Variants in SLC25A11 observed in about 807,000 individuals in gnomAD.
The protein encoded by SLC25A11 is solute carrier family 25 member 11, also known as mitochondrial 2-oxoglutarate/malate carrier protein.
Under a neutral mutation model 32.7 loss-of-function variants are expected in SLC25A11, and 11 were observed. That is an observed-to-expected ratio of 0.34 (90% CI 0.21 to 0.56). The LOEUF is 0.56. SLC25A11 is among the 20% of genes least tolerant of loss of function. The probability of loss-of-function intolerance (pLI) is 0.90; values close to 1 mark genes in which losing one functional copy is unlikely to be tolerated. For synonymous variants in SLC25A11, 163 were observed against 168.3 expected (o/e 0.97, Z 0.24); for missense variants, 295 against 426.3 (o/e 0.69, Z 2.71).
In SLC25A11 at chr17:4,940,044, G is replaced by C; in HGVS notation, c.-134C>G. The C allele has an allele frequency of 1.8e-6, 1 of 549,314 alleles. No individual in the cohort carries two copies. The highest frequency in any genetic ancestry group is 3.0e-6 in the Non-Finnish European group (1 of 335,924). 34.0% of individuals were successfully genotyped at this position (549,314 alleles called of 1,614,324 possible). On this transcript the variant is annotated 5_prime_UTR_variant, in exon 1 of 8. Transcript: ENST00000225665. ...CTCTCAGGTCCGACACCCGCTGGAA[G>C]CCGGCGCGGGCGCAGGCGCGCAGCG...
chr17:4,940,034 C>T lies in SLC25A11; in HGVS notation c.-124G>A, dbSNP rs553531588. 1,663 of 603,950 alleles carry T rather than the reference C, an allele frequency of 2.8e-3. 4 individuals are homozygous for T. Among genetic ancestry groups the T allele is most frequent in the Non-Finnish European group, 3.7e-3 (1,433 of 383,194 alleles). 37.4% of individuals were successfully genotyped at this position (603,950 alleles called of 1,614,324 possible). ...GCCCCTCCAGCTCTCAGGTCCGACACCCGCTGGAAGCCGGCGCGGGCGCAG... is the reference window on the plus strand; with the variant it reads ...GCCCCTCCAGCTCTCAGGTCCGACATCCGCTGGAAGCCGGCGCGGGCGCAG... On this transcript the variant is annotated 5_prime_UTR_variant, in exon 1 of 8. In the 5' UTR this introduces an upstream ATG that the reference lacks. Coordinates refer to ENST00000225665, the MANE Select transcript of SLC25A11 (RefSeq NM_003562.5).
rs1325408918 is a variant in SLC25A11, at chr17:4,938,136, C to T, written c.737+18G>A. On this transcript the variant is annotated intron_variant, in intron 6 of 7. Transcript: ENST00000225665. The surrounding 1 kb of genome is among the most constrained non-coding windows in gnomAD (Gnocchi z 7.6). ...GGGCACCCTCCCACCCACCTCCAGGCCCAGGCTGCACACTCACCGGGTCTT... is the reference window on the plus strand; with the variant it reads ...GGGCACCCTCCCACCCACCTCCAGGTCCAGGCTGCACACTCACCGGGTCTT... 1 of 1,614,106 alleles carries T rather than the reference C, an allele frequency of 6.2e-7. No individual in the cohort carries two copies. The highest frequency in any genetic ancestry group is 8.5e-7 in the Non-Finnish European group (1 of 1,179,946).
rs1970612516 is a variant in SLC25A11 at position 4,939,953 on chromosome 17, G to A, written c.-43C>T. The stretch of plus-strand genomic sequence containing the variant: ...CGGCTCCGGGTCCCGTGCGCGCGCG[G>A]CCCCGCTCGCGCCCAAGGTGACACC... On this transcript the variant is annotated 5_prime_UTR_variant, in exon 1 of 8. Transcript: ENST00000225665. This position sits in a 1 kb window ranked among gnomAD's most constrained non-coding sequence, Gnocchi z 4.1. 6.0e-6 allele frequency: 9 copies of A among 1,505,744 alleles called. No homozygotes were observed. In the East Asian group the frequency reaches 1.7e-4, roughly 29 times the overall value. 93.3% of individuals were successfully genotyped at this position (1,505,744 alleles called of 1,614,324 possible).
In SLC25A11 at chr17:4,938,613, G is replaced by A. The variant is rs552414858; in HGVS notation, c.456-11C>T. 1.9e-5 allele frequency: 31 copies of A among 1,613,214 alleles called. No homozygotes were observed. The African/African-American group carries it at 3.1e-4, about 16-fold the overall frequency. On this transcript the variant is annotated splice_polypyrimidine_tract_variant and intron_variant, in intron 3 of 7. Coordinates refer to ENST00000225665, the MANE Select transcript of SLC25A11 (RefSeq NM_003562.5). The surrounding 1 kb of genome is among the most constrained non-coding windows in gnomAD (Gnocchi z 7.6). The stretch of plus-strand genomic sequence containing the variant: ...TGGTCAGCTGGAAGCCTGGTGGGAA[G>A]GCAGAAAGAGGTCAAGATCAGGATT...
chr17:4,937,994 C>CT, intron 7 of SLC25A11, 29 bp downstream of exon 7: 1 of 1,613,696 alleles, frequency 6.2e-7, no homozygotes, highest in Non-Finnish European at 8.5e-7. Context: ...CCGACACCCC[C>CT]TCCCAGGCCC....
chr17:4,939,438 T>G lies in SLC25A11; in HGVS notation c.96-226A>C. 1 of 596,792 alleles carries G rather than the reference T, an allele frequency of 1.7e-6. No individual in the cohort carries two copies. Among genetic ancestry groups the G allele is most frequent in the Non-Finnish European group, 3.0e-6 (1 of 338,638 alleles). The allele number at this position is 596,792 out of a possible 1,614,324, so 37.0% of individuals were successfully genotyped here. ...TGCAATGAAAGTGCTCCAAGCAGCT[T>G]CATGACAGTCAAGCAGTGACCTGGG... On this transcript the variant is annotated intron_variant, in intron 1 of 7. Coordinates refer to ENST00000225665, the MANE Select transcript of SLC25A11 (RefSeq NM_003562.5). This position sits in a 1 kb window ranked among gnomAD's most constrained non-coding sequence, Gnocchi z 4.1.
Position 4,938,270 on chromosome 17 carries a change from G to T in SLC25A11, c.638-17C>A. 1 of 1,612,186 alleles carries T rather than the reference G, an allele frequency of 6.2e-7. No homozygotes were observed. Among genetic ancestry groups the T allele is most frequent in the Non-Finnish European group, 8.5e-7 (1 of 1,178,848 alleles). ...AGAAGTAGCCTGGGGGAGGTGAGGC[G>T]GGGGTGGCAGTCAGCTCAGAGGTGG... On this transcript the variant is annotated splice_polypyrimidine_tract_variant and intron_variant, in intron 5 of 7. Transcript: ENST00000225665. This position sits in a 1 kb window ranked among gnomAD's most constrained non-coding sequence, Gnocchi z 7.6.
rs779994317 is a variant in SLC25A11 at position 4,938,078 on chromosome 17, C to T, written c.738-4G>A. The T allele has an allele frequency of 5.0e-6, 8 of 1,614,158 alleles. No individual in the cohort carries two copies. The South Asian group carries it at 8.8e-5, about 18-fold the overall frequency. ...AATCATCCGCATGTTCTGGATTCTG[C>T]AGGAGAGGACGCAGGGGCATGAGAG... On this transcript the variant is annotated splice_region_variant and splice_polypyrimidine_tract_variant and intron_variant, in intron 6 of 7. Transcript: ENST00000225665. The surrounding 1 kb of genome is among the most constrained non-coding windows in gnomAD (Gnocchi z 7.6).
chr17:4,937,634 C>G lies in SLC25A11; in HGVS notation c.*107G>C, dbSNP rs755397504. The G allele has an allele frequency of 1.8e-5, 25 of 1,366,726 alleles. No homozygotes were observed. The highest frequency in any genetic ancestry group is 2.4e-5 in the Non-Finnish European group (24 of 1,012,974). The allele number at this position is 1,366,726 out of a possible 1,614,324, so 84.7% of individuals were successfully genotyped here. A position where few individuals can be genotyped will look rare whatever the true frequency, so the allele number is the denominator to read the frequency against. ...AAGTCCTTTACCGCAGAGGAAGAAA[C>G]CACACTGTGGAAGGGAAATAAATAG... On this transcript the variant is annotated 3_prime_UTR_variant, in exon 8 of 8. Coordinates refer to ENST00000225665, the MANE Select transcript of SLC25A11 (RefSeq NM_003562.5).
In SLC25A11 at chr17:4,939,584, T is replaced by C. The variant is rs1439568086; in HGVS notation, c.95+232A>G. 2 of 587,508 alleles carry C rather than the reference T, an allele frequency of 3.4e-6. No homozygotes were observed. Among genetic ancestry groups the C allele is most frequent in the Non-Finnish European group, 6.0e-6 (2 of 333,264 alleles). 36.4% of individuals were successfully genotyped at this position (587,508 alleles called of 1,614,324 possible). On this transcript the variant is annotated intron_variant, in intron 1 of 7. Transcript: ENST00000225665. This position sits in a 1 kb window ranked among gnomAD's most constrained non-coding sequence, Gnocchi z 4.1. The stretch of plus-strand genomic sequence containing the variant: ...CCTGCCGCCCGGCCGAGCTTAGCAA[T>C]GCGCTGGGAAACTCAGCTGGCCCGG...
Position 4,939,363 on chromosome 17 carries a change from G to T in SLC25A11, c.96-151C>A. ...TGAGCATGTGTATAAGAGTCTATAT[G>T]TACACCAAGTGCAACGGGTCTGAAA... On this transcript the variant is annotated intron_variant, in intron 1 of 7. Coordinates refer to ENST00000225665, the MANE Select transcript of SLC25A11 (RefSeq NM_003562.5). The surrounding 1 kb of genome is among the most constrained non-coding windows in gnomAD (Gnocchi z 4.1). The T allele has an allele frequency of 1.2e-6, 1 of 837,994 alleles. No individual in the cohort carries two copies. Among genetic ancestry groups the T allele is most frequent in the Non-Finnish European group, 1.8e-6 (1 of 553,852 alleles). 51.9% of individuals were successfully genotyped at this position (837,994 alleles called of 1,614,324 possible).
rs139621798 is a variant in SLC25A11, at chr17:4,939,911, C to G, written c.-1G>C. 1.9e-6 allele frequency: 3 copies of G among 1,609,874 alleles called. No individual in the cohort carries two copies. The highest frequency in any genetic ancestry group is 1.3e-5 in the African/African-American group (1 of 74,642). ...CCCCGGCACTCGCCGTCGCCGCCAT[C>G]GCCACTCAATGGCCCTCGGCTCCGG... On this transcript the variant is annotated 5_prime_UTR_variant, in exon 1 of 8. Transcript: ENST00000225665. This position sits in a 1 kb window ranked among gnomAD's most constrained non-coding sequence, Gnocchi z 4.1.
In SLC25A11 at chr17:4,939,811, C is replaced by T; in HGVS notation, c.95+5G>A. 2 of 1,610,308 alleles carry T rather than the reference C, an allele frequency of 1.2e-6. No homozygotes were observed. Among genetic ancestry groups the T allele is most frequent in the South Asian group, 2.2e-5 (2 of 90,746 alleles). ...TCTTTTCCCATCCCTGGGGCCTGAG[C>T]TTACCCGGCCAGGCCCCCAAACAGG... On this transcript the variant is annotated splice_donor_5th_base_variant and intron_variant, in intron 1 of 7. Transcript: ENST00000225665. This position sits in a 1 kb window ranked among gnomAD's most constrained non-coding sequence, Gnocchi z 4.1.
At position 4,938,440 on chromosome 17, in the gene SLC25A11, G is replaced by A. The variant is rs760490238; in HGVS notation, c.547-11C>T. 1 of 1,614,148 alleles carries A rather than the reference G, an allele frequency of 6.2e-7. No individual in the cohort carries two copies. Among genetic ancestry groups the A allele is most frequent in the South Asian group, 1.1e-5 (1 of 91,080 alleles). On this transcript the variant is annotated splice_polypyrimidine_tract_variant and intron_variant, in intron 4 of 7. Transcript: ENST00000225665. The surrounding 1 kb of genome is among the most constrained non-coding windows in gnomAD (Gnocchi z 7.6). ...GGTAGGGATGCAGCCCTGGAGGGAGGGGAGCGGGGAAGAGTCAGAAACCCC... is the reference window on the plus strand; with the variant it reads ...GGTAGGGATGCAGCCCTGGAGGGAGAGGAGCGGGGAAGAGTCAGAAACCCC...
In SLC25A11 at chr17:4,938,049, C is replaced by T. The variant is rs1970466410; in HGVS notation, c.763G>A (p.Gly255Arg). ...AGCCCGTTCTTGTATTCCGGCTTCC[C>T]ATCAATCATCCGCATGTTCTGGATT... ...TRIQNMRMID[G>R]KPEYKNGLDV... The change falls in exon 7 of 8, where the codon GGG becomes AGG. Residue 255 changes from glycine to arginine, a missense_variant. Physicochemically the swap from Gly to Arg is moderately radical, Grantham distance 125 (BLOSUM62 -2). This residue lies in a region of SLC25A11 where 142 missense variants were observed against 197.8 expected (regional missense o/e 0.72). Transcript: ENST00000225665. This position sits in a 1 kb window ranked among gnomAD's most constrained non-coding sequence, Gnocchi z 7.6. 1 of 1,614,056 alleles carries T rather than the reference C, an allele frequency of 6.2e-7. No homozygotes were observed. Among genetic ancestry groups the T allele is most frequent in the African/African-American group, 1.3e-5 (1 of 74,914 alleles).
rs1007733800 is a variant in SLC25A11, at chr17:4,939,308, T to C, written c.96-96A>G. On this transcript the variant is annotated intron_variant, in intron 1 of 7. Coordinates refer to ENST00000225665, the MANE Select transcript of SLC25A11 (RefSeq NM_003562.5). The surrounding 1 kb of genome is among the most constrained non-coding windows in gnomAD (Gnocchi z 4.1). ...GCAAGAGGTTACAAAGGTCAGGGCCTGCCATGCGATTCAAGAATCAGGATG... is the reference window on the plus strand; with the variant it reads ...GCAAGAGGTTACAAAGGTCAGGGCCCGCCATGCGATTCAAGAATCAGGATG... 2.3e-6 allele frequency: 3 copies of C among 1,327,762 alleles called. No individual in the cohort carries two copies. The highest frequency in any genetic ancestry group is 3.1e-6 in the Non-Finnish European group (3 of 979,318). 82.2% of individuals were successfully genotyped at this position (1,327,762 alleles called of 1,614,324 possible).
Position 4,939,963 on chromosome 17 carries a change from C to A in SLC25A11, c.-53G>T. 1 of 1,435,716 alleles carries A rather than the reference C, an allele frequency of 7.0e-7. No homozygotes were observed. The allele number at this position is 1,435,716 out of a possible 1,614,324, so 88.9% of individuals were successfully genotyped here. A position where few individuals can be genotyped will look rare whatever the true frequency, so the allele number is the denominator to read the frequency against. ...TCCCGTGCGCGCGCGGCCCCGCTCGCGCCCAAGGTGACACCGCGCGCGCAA... is the reference window on the plus strand; with the variant it reads ...TCCCGTGCGCGCGCGGCCCCGCTCGAGCCCAAGGTGACACCGCGCGCGCAA... On this transcript the variant is annotated 5_prime_UTR_variant, in exon 1 of 8. Coordinates refer to ENST00000225665, the MANE Select transcript of SLC25A11 (RefSeq NM_003562.5). This position sits in a 1 kb window ranked among gnomAD's most constrained non-coding sequence, Gnocchi z 4.1.
chr17:4,937,827 C>A lies in SLC25A11; in HGVS notation c.859G>T (p.Ala287Ser), dbSNP rs754378565. 2 of 1,614,038 alleles carry A rather than the reference C, an allele frequency of 1.2e-6. No homozygotes were observed. The highest frequency in any genetic ancestry group is 2.7e-5 in the African/African-American group (2 of 74,920). ...SLWKGFTPYY[A>S]RLGPHTVLTF... is the part of the protein sequence containing the mutation. ...AGGACGGTGTGGGGGCCCAGGCGGGCATAGTACGGCGTGAAGCCCTTCCAC... is the reference window on the plus strand; with the variant it reads ...AGGACGGTGTGGGGGCCCAGGCGGGAATAGTACGGCGTGAAGCCCTTCCAC... Residue 287 changes from alanine (A) to serine (S), a missense_variant, in exon 8 of 8, where the codon GCC becomes TCC. Physicochemically the swap from Ala to Ser is moderately conservative, Grantham distance 99 (BLOSUM62 1). Transcript: ENST00000225665.
chr17:4,938,991 G>A lies in SLC25A11; in HGVS notation c.249-16C>T, dbSNP rs1970528395. ...AGCCGACAGCCTGAGGAGCAGAGGG[G>A]TCAGCATATCAGGCCAAGGTCTAGA... On this transcript the variant is annotated splice_polypyrimidine_tract_variant and intron_variant, in intron 2 of 7. Coordinates refer to ENST00000225665, the MANE Select transcript of SLC25A11 (RefSeq NM_003562.5). This position sits in a 1 kb window ranked among gnomAD's most constrained non-coding sequence, Gnocchi z 7.6. 1 of 1,614,088 alleles carries A rather than the reference G, an allele frequency of 6.2e-7. No individual in the cohort carries two copies. Among genetic ancestry groups the A allele is most frequent in the Non-Finnish European group, 8.5e-7 (1 of 1,179,974 alleles).
Sources: gnomAD v4.1 joint callset for allele counts on GRCh38, gnomAD v4.1.1 for gene constraint, gnomAD v4.1.1 regional missense constraint, Gnocchi (gnomAD v3.1) non-coding constraint, MANE v1.5 for transcripts, NCBI Gene and HGNC (gene_info 2026-07-23, HGNC 2026-07-21) for gene names.